The following PCDHGB2 variants were observed in gnomAD, a reference collection of about 807,000 sequenced individuals.
PCDHGB2 encodes protocadherin gamma-B2.
PCDHGB2 carries 55 observed loss-of-function variants against 59.3 expected under a neutral mutation model. That is an observed-to-expected ratio of 0.93 (90% CI 0.75 to 1.16). The LOEUF is 1.16. PCDHGB2 is among the 50% of genes most tolerant of loss of function. The pLI is 0.00. For missense variants in PCDHGB2, 1,228 were observed against 1,198.5 expected, an observed-to-expected ratio of 1.02 and a Z score of -0.36; for synonymous variants, 516 against 512.0, an observed-to-expected ratio of 1.01 and a Z score of -0.11.
chr5:141,423,415 G>GA (rs750028507), intron 1 of PCDHGB2: 3 of 1,614,134 alleles, frequency 1.9e-6, no homozygotes, highest in Non-Finnish European at 2.5e-6. Context: ...GCAGGCTTCT[G>GA]AAGGCGGGTT....
At chr5:141,466,871 T>G (rs1432611218) in intron 1 of PCDHGB2, among the ~76,000 whole-genome samples, 1 of 152,166 alleles carries the variant, frequency 6.6e-6, no homozygotes, top group Admixed American at 6.5e-5. Flanking sequence ...ATCCACACAT[T>G]TTTTTCATAA....
At chr5:141,393,602 T>G in intron 1 of PCDHGB2, 1 of 1,613,892 alleles carries the variant, frequency 6.2e-7, no homozygotes, top group Non-Finnish European at 8.5e-7. Context: ...GGCTGCTTAC[T>G]GTAACAGCCA....
intron 1 of PCDHGB2, among the ~76,000 whole-genome samples, chr5:141,465,486 G>C (rs1221398075): frequency 6.6e-6 from 1 of 152,216 alleles, no homozygotes; most frequent in African/African-American, 2.4e-5. Flanking sequence ...TGAGAGGAAT[G>C]AGCGGGAGCA....
At chr5:141,400,440 A>G (rs1351638844) in intron 1 of PCDHGB2, 2 of 1,614,094 alleles carry the variant, frequency 1.2e-6, no homozygotes, top group Non-Finnish European at 1.7e-6. Context: ...AATTGAGTTC[A>G]GGACAAGACA....
chr5:141,404,790 A>T, intron 1 of PCDHGB2: 1 of 1,611,288 alleles, frequency 6.2e-7, no homozygotes, highest in East Asian at 2.2e-5. Context: ...AAGGCCAGTG[A>T]GCCAGGGCTC....
intron 1 of PCDHGB2, chr5:141,399,619 G>T (rs749025661): frequency 1.2e-6 from 2 of 1,613,784 alleles, no homozygotes; most frequent in Non-Finnish European, 1.7e-6. Flanking sequence ...TCTGGCACTG[G>T]CCTCTTACGT....
At chr5:141,420,311 T>C (rs762191274) in intron 1 of PCDHGB2, 102 of 1,454,698 alleles carry the variant, frequency 7.0e-5, no homozygotes, top group Non-Finnish European at 9.3e-5. Flanking sequence ...CTTTTTATAT[T>C]ACAATATGCC....
At chr5:141,463,168 T>C (rs74924211) in intron 1 of PCDHGB2, among the ~76,000 whole-genome samples, 6,974 of 152,254 alleles carry the variant, frequency 0.046, 178 homozygotes, top group Middle Eastern at 0.082. Context: ...GTGCACTCTA[T>C]GTATGCTCAG....
chr5:141,375,199 C>G lies in PCDHGB2; in HGVS notation c.2421+12643C>G, dbSNP rs188091361. ...CAGTAATCGCCCTTTTTCAAGTGTT[C>G]GATCGAGACTCTGGCCTGAATGGCC... On this transcript the variant is annotated intron_variant, in intron 1 of 3. Coordinates refer to ENST00000522605, the MANE Select transcript of PCDHGB2 (RefSeq NM_018923.3). The G allele has an allele frequency of 5.2e-5, 84 of 1,613,924 alleles. No individual in the cohort carries two copies. In the East Asian group the frequency reaches 1.8e-3, roughly 35 times the overall value.
chr5:141,376,507 G>A, intron 1 of PCDHGB2: 2 of 1,614,090 alleles, frequency 1.2e-6, no homozygotes, highest in Non-Finnish European at 1.7e-6. Flanking sequence ...GGCAACTTCA[G>A]GTGAGTTTCT....
Position 141,432,466 on chromosome 5 carries a change from G to A in PCDHGB2, c.2422-62341G>A, listed in dbSNP as rs149116648. 5.7e-4 allele frequency: 913 copies of A among 1,614,208 alleles called. 6 individuals carry two copies. In the African/African-American group the frequency reaches 0.011, roughly 19 times the overall value. On this transcript the variant is annotated intron_variant, in intron 1 of 3. Transcript: ENST00000522605. This position sits in a 1 kb window ranked among gnomAD's most constrained non-coding sequence, Gnocchi z 6.0. The stretch of plus-strand genomic sequence containing the variant: ...AGATCCTGTACCCCGCCCTCCCCAC[G>A]GACGGTTCCACTGGCGTGGAGCTGG...
chr5:141,477,553 A>T lies in PCDHGB2; in HGVS notation c.2422-17254A>T, dbSNP rs1478806410. 6.2e-7 allele frequency: 1 copy of T among 1,614,090 alleles called. No homozygotes were observed. Among genetic ancestry groups the T allele is most frequent in the Admixed American group, 1.7e-5 (1 of 60,028 alleles). On this transcript the variant is annotated intron_variant, in intron 1 of 3. Coordinates refer to ENST00000522605, the MANE Select transcript of PCDHGB2 (RefSeq NM_018923.3). The surrounding 1 kb of genome is among the most constrained non-coding windows in gnomAD (Gnocchi z 4.9). ...TCCCCGGGGCTCCAATACTAAACCT[A>T]AGTGTCTGGGACCCCGACGCCCCGC...
intron 1 of PCDHGB2, chr5:141,390,721 T>G (rs1454628810): frequency 5.1e-6 from 1 of 195,622 alleles, no homozygotes; most frequent in African/African-American, 2.4e-5. Context: ...CTTAACTAAT[T>G]TAACTGGTAT....
intron 1 of PCDHGB2, chr5:141,366,201 G>A (rs567413702): frequency 2.4e-5 from 39 of 1,613,736 alleles, no homozygotes; most frequent in Non-Finnish European, 3.2e-5. Flanking sequence ...CTGCACACGG[G>A]CGAGGTGCGC....
chr5:141,374,408 C>T (rs769866993), intron 1 of PCDHGB2: 1 of 1,614,034 alleles, frequency 6.2e-7, no homozygotes, highest in East Asian at 2.2e-5. Context: ...TTTTAACATC[C>T]TTGTCGAGGA....
intron 1 of PCDHGB2, chr5:141,399,873 C>T (rs1331485851): frequency 1.9e-6 from 3 of 1,612,836 alleles, no homozygotes; most frequent in Non-Finnish European, 2.5e-6. Context: ...AGCCCGGCTA[C>T]CTGGTGACCA....
At chr5:141,398,223 G>C (rs995722310) in intron 1 of PCDHGB2, 1 of 1,482,728 alleles carries the variant, frequency 6.7e-7, no homozygotes, top group South Asian at 1.3e-5. Context: ...TCTGTGAGCA[G>C]ATCCGCTACA....
rs1210499024 is a variant in PCDHGB2 at position 141,431,784 on chromosome 5, A to T, written c.2422-63023A>T. ...CTGATCACTGTTCTGGACGTGAACG[A>T]CAATGCCCCAGAAGTGGTCCTCACC... On this transcript the variant is annotated intron_variant, in intron 1 of 3. Transcript: ENST00000522605. This position sits in a 1 kb window ranked among gnomAD's most constrained non-coding sequence, Gnocchi z 4.8. The T allele has an allele frequency of 6.2e-7, 1 of 1,614,102 alleles. No homozygotes were observed. The highest frequency in any genetic ancestry group is 8.5e-7 in the Non-Finnish European group (1 of 1,180,030).
chr5:141,378,227 A>G (rs1774726852), intron 1 of PCDHGB2: 1 of 152,200 alleles, frequency 6.6e-6, no homozygotes, highest in Non-Finnish European at 1.5e-5. Flanking sequence ...GCCTGATAGT[A>G]TTTAAGAGTG....
Sources: gnomAD v4.1 joint callset for allele counts (sites outside exome capture counted in the v4.1 genomes callset) on GRCh38, gnomAD v4.1.1 for gene constraint, Gnocchi (gnomAD v3.1) non-coding constraint, MANE v1.5 for transcripts, NCBI Gene and HGNC (gene_info 2026-07-23, HGNC 2026-07-21) for gene names.